The following ADAMTS3 variants were observed in gnomAD, a reference collection of about 807,000 sequenced individuals.
ADAMTS3 encodes A disintegrin and metalloproteinase with thrombospondin motifs 3.
In ADAMTS3, 73 loss-of-function variants were observed where a neutral mutation model predicts 129.0. That is an observed-to-expected ratio of 0.57 (90% CI 0.47 to 0.69). The LOEUF is 0.69. Ranked by LOEUF, ADAMTS3 falls within the 30% of genes least tolerant of loss-of-function variation. The pLI is 0.00. For synonymous variants in ADAMTS3, 477 were observed against 510.8 expected (o/e 0.93, Z 0.89); for missense variants, 1,457 against 1,514.5 (o/e 0.96, Z 0.63).
rs755917112 is a variant in ADAMTS3, at chr4:72,339,646, T to C, written c.709A>G (p.Ile237Val). The C allele has an allele frequency of 1.9e-6, 3 of 1,613,952 alleles. No individual in the cohort carries two copies. Among genetic ancestry groups the C allele is most frequent in the African/African-American group, 1.3e-5 (1 of 75,026 alleles). ...LDDLGTVYGN[I>V]HQQLNETMRR... ...ATTGTTTCATTCAGCTGCTGGTGGA[T>C]GTTGCCATAAACAGTACCTAGATCA... is the stretch of plus-strand genomic sequence containing the variant. Residue 237 changes from isoleucine (I) to valine (V), a missense_variant, in exon 5 of 22, where the codon ATC becomes GTC. Ile to Val is a conservative substitution (Grantham distance 29). Transcript: ENST00000286657.
intron 3 of ADAMTS3, among the ~76,000 whole-genome samples, chr4:72,517,249 T>G (rs1720514034): frequency 1.3e-5 from 2 of 152,360 alleles, no homozygotes; most frequent in African/African-American, 4.8e-5. Flanking sequence ...AGTATTTTAT[T>G]GAGGAGATTT....
chr4:72,436,662 A>C (rs940307568), intron 3 of ADAMTS3, among the ~76,000 whole-genome samples: 1 of 152,152 alleles, frequency 6.6e-6, no homozygotes, highest in East Asian at 1.9e-4. Flanking sequence ...TACACTATGG[A>C]ATACTATGCA....
At chr4:72,550,156 T>C (rs1721610675) in intron 2 of ADAMTS3, among the ~76,000 whole-genome samples, 1 of 149,778 alleles carries the variant, frequency 6.7e-6, no homozygotes. Flanking sequence ...AACTAAAAAG[T>C]TTCCCACTTT....
At chr4:72,344,780 G>T (rs533888980) in intron 4 of ADAMTS3, among the ~76,000 whole-genome samples, 1 of 152,184 alleles carries the variant, frequency 6.6e-6, no homozygotes, top group East Asian at 1.9e-4. Context: ...CTAGGATAAA[G>T]GGACATGCTG....
chr4:72,530,680 T>TA (rs1284340417), intron 3 of ADAMTS3, among the ~76,000 whole-genome samples: 20 of 90,618 alleles, frequency 2.2e-4, no homozygotes, highest in East Asian at 1.2e-3. Context: ...ATATAATATG[T>TA]ATAATATATA....
chr4:72,371,473 A>G (rs908116441), intron 4 of ADAMTS3, among the ~76,000 whole-genome samples: 1 of 129,502 alleles, frequency 7.7e-6, no homozygotes, highest in Non-Finnish European at 1.8e-5. Context: ...AAATAAATAA[A>G]TAAAGTAGAT....
chr4:72,395,844 G>A (rs1721712705), intron 4 of ADAMTS3, among the ~76,000 whole-genome samples: 1 of 152,034 alleles, frequency 6.6e-6, no homozygotes, highest in African/African-American at 2.4e-5. Context: ...ATATACACAC[G>A]CATGTGCTGT....
At chr4:72,455,622 A>T (rs1213960028) in intron 3 of ADAMTS3, among the ~76,000 whole-genome samples, 15 of 18,426 alleles carry the variant, frequency 8.1e-4, no homozygotes, top group Non-Finnish European at 2.3e-3. Flanking sequence ...TAAAGTATTA[A>T]AAAAAAAAAA....
chr4:72,301,342 A>G (rs1578563047), intron 17 of ADAMTS3, among the ~76,000 whole-genome samples: 1 of 152,160 alleles, frequency 6.6e-6, no homozygotes, highest in East Asian at 1.9e-4. Flanking sequence ...AAGAATGAAA[A>G]GACAACCTAT....
At chr4:72,529,298 A>C (rs1720896246) in intron 3 of ADAMTS3, among the ~76,000 whole-genome samples, 1 of 152,078 alleles carries the variant, frequency 6.6e-6, no homozygotes, top group Non-Finnish European at 1.5e-5. Flanking sequence ...TGGCTCTCAA[A>C]ATGTAGCATC....
chr4:72,327,572 C>T (rs1307617952), intron 5 of ADAMTS3, among the ~76,000 whole-genome samples: 1 of 152,164 alleles, frequency 6.6e-6, no homozygotes, highest in Non-Finnish European at 1.5e-5. Flanking sequence ...GACAGATGTT[C>T]TCATTGCCCA....
At chr4:72,552,206 G>A (rs534929913) in intron 2 of ADAMTS3, among the ~76,000 whole-genome samples, 5 of 152,182 alleles carry the variant, frequency 3.3e-5, no homozygotes, top group Non-Finnish European at 7.3e-5. Context: ...AAAGCACTAA[G>A]TTGAGTCCAC....
chr4:72,381,434 C>T (rs942861601), intron 4 of ADAMTS3, among the ~76,000 whole-genome samples: 3 of 151,828 alleles, frequency 2.0e-5, no homozygotes, highest in Non-Finnish European at 4.4e-5. Context: ...CGGCAGTCCA[C>T]CTCCATTATT....
intron 3 of ADAMTS3, among the ~76,000 whole-genome samples, chr4:72,429,422 A>G (rs894348566): frequency 3.9e-5 from 6 of 152,078 alleles, no homozygotes; most frequent in African/African-American, 1.4e-4. Flanking sequence ...ACCAACAGTC[A>G]GTTGTTATAG....
intron 3 of ADAMTS3, among the ~76,000 whole-genome samples, chr4:72,511,682 C>A (rs909222214): frequency 2.0e-5 from 3 of 152,172 alleles, no homozygotes; most frequent in African/African-American, 7.2e-5. Context: ...ATTAGTATAA[C>A]CACAATGGAG....
chr4:72,517,917 A>C lies in ADAMTS3; in HGVS notation c.504+30561T>G, dbSNP rs1365509835. 6.7e-5 allele frequency among the ~76,000 whole-genome samples: 10 copies of C among 148,278 alleles called. No individual in the cohort carries two copies. In the South Asian group the frequency reaches 8.9e-4, roughly 13 times the overall value. ...TTGCTCTTGCTTTTCTAGTTCTTTT[A>C]ATTGTGATGTTAGGGTGTCAATTTT... On this transcript the variant is annotated intron_variant, in intron 3 of 21. Coordinates refer to ENST00000286657, the MANE Select transcript of ADAMTS3 (RefSeq NM_014243.3).
chr4:72,312,065 C>T, intron 13 of ADAMTS3: 1 of 454,966 alleles, frequency 2.2e-6, no homozygotes, highest in African/African-American at 1.9e-5. Context: ...CTTTTCACCG[C>T]TGATGGTGAT....
rs145058079 is a variant in ADAMTS3 at position 72,516,286 on chromosome 4, G to A, written c.504+32192C>T. Among the ~76,000 whole-genome samples the A allele has an allele frequency of 5.9e-3, 898 of 152,108 alleles. 3 individuals carry two copies. Among genetic ancestry groups the A allele is most frequent in the African/African-American group, 0.021 (857 of 41,528 alleles). On this transcript the variant is annotated intron_variant, in intron 3 of 21. Coordinates refer to ENST00000286657, the MANE Select transcript of ADAMTS3 (RefSeq NM_014243.3). ...CAGGTAGCGTGATGCCTCCAGCTTCGTTCTTTTAGCTTAGGATTGACTTGG... is the reference window on the plus strand; with the variant it reads ...CAGGTAGCGTGATGCCTCCAGCTTCATTCTTTTAGCTTAGGATTGACTTGG...
rs529640961 is a variant in ADAMTS3, at chr4:72,295,593, G to A, written c.2723+61C>T. The A allele has an allele frequency of 3.9e-6, 6 of 1,536,440 alleles. No homozygotes were observed. The African/African-American group carries it at 6.9e-5, about 18-fold the overall frequency. ...GAAAATAAAATCAAAACTAAAAAGA[G>A]CTAAAGGCAGTGAAGTCCTGATTTT... On this transcript the variant is annotated intron_variant, in intron 19 of 21. Coordinates refer to ENST00000286657, the MANE Select transcript of ADAMTS3 (RefSeq NM_014243.3).
Sources: allele counts gnomAD v4.1 joint callset (sites outside exome capture counted in the v4.1 genomes callset), GRCh38; gene constraint gnomAD v4.1.1; transcripts MANE v1.5; gene names NCBI Gene and HGNC (gene_info 2026-07-23, HGNC 2026-07-21).